Variants in TFG observed in about 807,000 individuals in gnomAD.
TFG encodes protein TFG.
A neutral mutation model predicts 51.4 loss-of-function variants in TFG; 22 were observed. The ratio of observed to expected loss-of-function variants is 0.43; its 90% confidence interval spans 0.31 to 0.61. The LOEUF is 0.61. Among genes scored for constraint, TFG ranks in the 20% least tolerant of loss-of-function variants. TFG has a pLI of 0.12. For missense variants in TFG, 419 were observed against 487.7 expected (o/e 0.86, Z 1.33); for synonymous variants, 187 against 165.6 (o/e 1.13, Z -0.99).
At chr3:100,714,585 A>G (rs7650690) in intron 2 of TFG, among the ~76,000 whole-genome samples, 56,399 of 151,390 alleles carry the variant, frequency 0.37, 10,650 homozygotes, top group South Asian at 0.49. Flanking sequence ...TACAAGCATT[A>G]TTTTCTCCTT....
chr3:100,737,602 ATTTG>A (rs1380683589), intron 6 of TFG, among the ~76,000 whole-genome samples: 1 of 152,212 alleles, frequency 6.6e-6, no homozygotes, highest in Non-Finnish European at 1.5e-5. Context: ...TGCTCTAACT[ATTTG>A]TTTAACGGGT....
At chr3:100,713,173 G>A (rs1204264984) in intron 1 of TFG, among the ~76,000 whole-genome samples, 1 of 152,218 alleles carries the variant, frequency 6.6e-6, no homozygotes, top group Non-Finnish European at 1.5e-5. Context: ...ATGGTGGCTT[G>A]AATCAAGTTG....
In TFG at chr3:100,748,471, T is replaced by C. The variant is rs1446219227; in HGVS notation, c.1143T>C (p.Tyr381=). 3 of 1,614,110 alleles carry C rather than the reference T, an allele frequency of 1.9e-6. No individual in the cohort carries two copies. Among genetic ancestry groups the C allele is most frequent in the East Asian group, 2.2e-5 (1 of 44,878 alleles). ...CTCCTCCAAGTGGGCCTAATCCTTATGCGCGTAACCGTCCTCCCTTTGGTC... is the reference window on the plus strand; with the variant it reads ...CTCCTCCAAGTGGGCCTAATCCTTACGCGCGTAACCGTCCTCCCTTTGGTC... ...MTPPPSGPNP[Y]ARNRPPFGQG... is the part of the protein sequence containing the mutation. The change falls in exon 8 of 8, where the codon TAT becomes TAC. Residue 381 remains tyrosine (Y), a synonymous_variant. Coordinates refer to ENST00000240851, the MANE Select transcript of TFG (RefSeq NM_006070.6).
intron 6 of TFG, among the ~76,000 whole-genome samples, chr3:100,739,777 A>G (rs2095116238): frequency 6.6e-6 from 1 of 152,146 alleles, no homozygotes; most frequent in African/African-American, 2.4e-5. Flanking sequence ...TGAACAGCTT[A>G]TTATACTCAG....
rs529618764 is a variant in TFG at position 100,729,450 on chromosome 3, T to G, written c.415+592T>G. 2.2e-4 allele frequency among the ~76,000 whole-genome samples: 33 copies of G among 152,340 alleles called. No homozygotes were observed. In the South Asian group the frequency reaches 6.6e-3, roughly 31 times the overall value. The stretch of plus-strand genomic sequence containing the variant: ...AGCAAAATGTGTCAACATTTGGAAC[T>G]GACATAATTTTGGGACCGAATGTAT... On this transcript the variant is annotated intron_variant, in intron 4 of 7. Transcript: ENST00000240851.
chr3:100,745,965 C>G (rs1379432460), intron 7 of TFG, among the ~76,000 whole-genome samples: 2 of 152,104 alleles, frequency 1.3e-5, no homozygotes, highest in Non-Finnish European at 2.9e-5. Flanking sequence ...TGACTCCTGA[C>G]CTAGACCATA....
At chr3:100,727,166 C>A (rs2095078321) in intron 3 of TFG, among the ~76,000 whole-genome samples, 2 of 152,136 alleles carry the variant, frequency 1.3e-5, no homozygotes, top group South Asian at 2.1e-4. Context: ...CGGGAGAACA[C>A]CACAGCCTAC....
At chr3:100,742,346 A>G (rs1039790847) in intron 6 of TFG, 1 of 152,244 alleles carries the variant, frequency 6.6e-6, no homozygotes. Context: ...TCTGATCACA[A>G]AAATACCCCC....
chr3:100,739,588 G>C (rs2095115809), intron 6 of TFG, among the ~76,000 whole-genome samples: 1 of 152,044 alleles, frequency 6.6e-6, no homozygotes, highest in African/African-American at 2.4e-5. Context: ...AAAATCATAT[G>C]CCAATATAAT....
chr3:100,720,184 T>C (rs1383519453), intron 3 of TFG, 126 bp downstream of exon 3: 3 of 566,996 alleles, frequency 5.3e-6, no homozygotes, highest in African/African-American at 2.0e-5. Flanking sequence ...TTTATTTGTG[T>C]TCAGGTAGTT....
intron 3 of TFG, among the ~76,000 whole-genome samples, chr3:100,726,909 G>A (rs1484304266): frequency 6.6e-6 from 1 of 152,138 alleles, no homozygotes; most frequent in Non-Finnish European, 1.5e-5. Context: ...TTATCTAGAA[G>A]GTGAGAGGAA....
chr3:100,739,660 A>C (rs1041985677), intron 6 of TFG, among the ~76,000 whole-genome samples: 2 of 152,186 alleles, frequency 1.3e-5, no homozygotes, highest in South Asian at 2.1e-4. Flanking sequence ...TCAACTCTTC[A>C]TGTAGTCATG....
chr3:100,725,169 G>T (rs531817740), intron 3 of TFG, among the ~76,000 whole-genome samples: 5 of 152,150 alleles, frequency 3.3e-5, no homozygotes, highest in African/African-American at 9.6e-5. Flanking sequence ...GCCTCCCAAA[G>T]TGCAGGGATT....
chr3:100,743,862 T>C (rs1029492717), intron 6 of TFG: 4 of 152,016 alleles, frequency 2.6e-5, no homozygotes, highest in African/African-American at 9.7e-5. Context: ...TTTTGATTAA[T>C]AGGTAGTTTG....
chr3:100,720,160 C>A (rs2095056817), intron 3 of TFG, 102 bp downstream of exon 3: 1 of 636,838 alleles, frequency 1.6e-6, no homozygotes, highest in Non-Finnish European at 2.7e-6. Context: ...ATAACTTATT[C>A]AAATATTATT....
At chr3:100,731,363 T>C (rs1176081166) in intron 4 of TFG, among the ~76,000 whole-genome samples, 1 of 152,230 alleles carries the variant, frequency 6.6e-6, no homozygotes, top group East Asian at 1.9e-4. Flanking sequence ...AAGACAGTAG[T>C]ATAAATGCCT....
At chr3:100,713,919 AAAAAAGAC>A (rs1430263672) in intron 2 of TFG, 50 bp downstream of exon 2, 2 of 1,265,548 alleles carry the variant, frequency 1.6e-6, no homozygotes, top group South Asian at 3.6e-5. Context: ...AAAAAAAAAA[AAAAAAGAC>A]AGAGCCTCTG....
At chr3:100,736,245 T>C (rs891849505) in intron 5 of TFG, among the ~76,000 whole-genome samples, 1 of 152,034 alleles carries the variant, frequency 6.6e-6, no homozygotes, top group Non-Finnish European at 1.5e-5. Context: ...AAGAATGAAG[T>C]GACAATTTTG....
Position 100,748,306 on chromosome 3 carries a change from A to C in TFG, c.978A>C (p.Ala326=). The C allele has an allele frequency of 6.2e-7, 1 of 1,614,014 alleles. No individual in the cohort carries two copies. Among genetic ancestry groups the C allele is most frequent in the Non-Finnish European group, 8.5e-7 (1 of 1,179,962 alleles). The change falls in exon 8 of 8, where the codon GCA becomes GCC. Residue 326 remains alanine (A), a synonymous_variant. Coordinates refer to ENST00000240851, the MANE Select transcript of TFG (RefSeq NM_006070.6). The part of the protein sequence containing the change: ...PQQYQASNYP[A]QTYTAQTSQP... ...AGTACCAGGCGAGCAATTATCCTGC[A>C]CAAACTTACACTGCCCAAACTTCTC...
Sources: allele counts gnomAD v4.1 joint callset (sites outside exome capture counted in the v4.1 genomes callset), GRCh38; gene constraint gnomAD v4.1.1; transcripts MANE v1.5; gene names NCBI Gene and HGNC (gene_info 2026-07-23, HGNC 2026-07-21).